ARHGAP26: variants seen among roughly 807,000 people sequenced by gnomAD.
ARHGAP26 encodes rho GTPase-activating protein 26.
Under a neutral mutation model 104.8 loss-of-function variants are expected in ARHGAP26, and 38 were observed. The ratio of observed to expected loss-of-function variants is 0.36; its 90% CI spans 0.28 to 0.48. The LOEUF (loss-of-function observed/expected upper bound fraction) is 0.48. Among genes scored for constraint, ARHGAP26 ranks in the 20% least tolerant of loss-of-function variants. The pLI is 0.99. For missense variants in ARHGAP26, 704 were observed against 947.9 expected, an observed-to-expected ratio of 0.74 and a Z score of 3.38; for synonymous variants, 341 against 340.0, an observed-to-expected ratio of 1.00 and a Z score of -0.03.
intron 11 of ARHGAP26, among the ~76,000 whole-genome samples, chr5:142,957,726 A>T (rs1325012936): frequency 6.6e-6 from 1 of 152,186 alleles, no homozygotes; most frequent in East Asian, 1.9e-4. Flanking sequence ...GTGCTCCTGC[A>T]CTCTCTGCCA....
intron 20 of ARHGAP26, 112 bp downstream of exon 20, chr5:143,147,493 T>A: frequency 7.8e-7 from 1 of 1,279,178 alleles, no homozygotes; most frequent in Non-Finnish European, 1.1e-6. Flanking sequence ...GAACATTATT[T>A]AAACCTCCTC....
chr5:143,005,767 C>G (rs927928723), intron 11 of ARHGAP26, among the ~76,000 whole-genome samples: 1 of 152,184 alleles, frequency 6.6e-6, no homozygotes, highest in Non-Finnish European at 1.5e-5. Flanking sequence ...TTTTGAACAG[C>G]AAGCAGCAGT....
At chr5:142,824,113 G>A (rs1222124073) in intron 1 of ARHGAP26, among the ~76,000 whole-genome samples, 1 of 152,108 alleles carries the variant, frequency 6.6e-6, no homozygotes, top group African/African-American at 2.4e-5. Flanking sequence ...GTGGAACACT[G>A]TATGAGTTTC....
intron 1 of ARHGAP26, among the ~76,000 whole-genome samples, chr5:142,867,445 A>G (rs1754515375): frequency 1.3e-5 from 2 of 152,272 alleles, no homozygotes; most frequent in South Asian, 4.1e-4. Flanking sequence ...AAACTGCTAC[A>G]TACAGACTTG....
At chr5:142,773,586 C>T (rs1157288320) in intron 1 of ARHGAP26, among the ~76,000 whole-genome samples, 8 of 152,178 alleles carry the variant, frequency 5.3e-5, no homozygotes. Flanking sequence ...TAAGTGAAAA[C>T]ATTGCCAGTT....
chr5:143,069,430 G>A (rs888271151), intron 17 of ARHGAP26, among the ~76,000 whole-genome samples: 3 of 152,104 alleles, frequency 2.0e-5, no homozygotes, highest in Non-Finnish European at 2.9e-5. Context: ...CCTTTATGAT[G>A]TCTCAGTTCC....
chr5:142,870,300 A>G lies in ARHGAP26; in HGVS notation c.155-3100A>G, dbSNP rs117103394. 9.8e-5 allele frequency among the ~76,000 whole-genome samples: 15 copies of G among 152,346 alleles called. No individual in the cohort carries two copies. The East Asian group carries it at 2.7e-3, about 27-fold the overall frequency. ...AAATCTTTGGGCTGCTCCATATCCA[A>G]GGTGAAAATCTACATAAGATACCAC... On this transcript the variant is annotated intron_variant, in intron 1 of 22. Coordinates refer to ENST00000645722, the MANE Select transcript of ARHGAP26 (RefSeq NM_001135608.3).
chr5:143,074,331 G>GTA (rs2150394663), intron 17 of ARHGAP26, among the ~76,000 whole-genome samples: 1 of 152,232 alleles, frequency 6.6e-6, no homozygotes, highest in East Asian at 1.9e-4. Flanking sequence ...GTCCATTATA[G>GTA]AACTTTCTCT....
At chr5:142,901,834 T>C in intron 6 of ARHGAP26, 101 bp from the exon 7 acceptor site, 1 of 897,766 alleles carries the variant, frequency 1.1e-6, no homozygotes, top group East Asian at 2.5e-5. Context: ...TATTATTCTT[T>C]ATTTTAGACT....
intron 11 of ARHGAP26, among the ~76,000 whole-genome samples, chr5:143,002,492 C>T (rs563791300): frequency 3.2e-4 from 49 of 152,216 alleles, no homozygotes; most frequent in African/African-American, 1.0e-3. Flanking sequence ...ACCATGAAAA[C>T]GGCATGCTGA....
chr5:142,998,146 T>C (rs893584541), intron 11 of ARHGAP26, among the ~76,000 whole-genome samples: 4 of 152,226 alleles, frequency 2.6e-5, no homozygotes, highest in Non-Finnish European at 5.9e-5. Context: ...TAACAAAAAT[T>C]GACTCTATAT....
chr5:142,991,420 T>C (rs1775595065), intron 11 of ARHGAP26, among the ~76,000 whole-genome samples: 1 of 152,056 alleles, frequency 6.6e-6, no homozygotes, highest in South Asian at 2.1e-4. Context: ...CCAGGTAAGG[T>C]GATGCCTTGC....
intron 17 of ARHGAP26, among the ~76,000 whole-genome samples, chr5:143,096,721 A>G (rs553360677): frequency 3.5e-4 from 54 of 152,184 alleles, no homozygotes; most frequent in African/African-American, 1.1e-3. Flanking sequence ...GTAGCAGTGA[A>G]GAATACAATG....
rs145418145 is a variant in ARHGAP26, at chr5:143,196,142, C to T, written c.1989-11056C>T. Among the ~76,000 whole-genome samples, 512 of 152,038 alleles carry T rather than the reference C, an allele frequency of 3.4e-3. 2 individuals are homozygous for T. Among genetic ancestry groups the T allele is most frequent in the African/African-American group, 0.012 (498 of 41,452 alleles). Reference sequence around the variant, plus strand: ...CAAATTATTATTTAGCAAACACCCCCTAAATAATACTAAATTATTATTTAG... The same window carrying T: ...CAAATTATTATTTAGCAAACACCCCTTAAATAATACTAAATTATTATTTAG... On this transcript the variant is annotated intron_variant, in intron 20 of 22. Coordinates refer to ENST00000645722, the MANE Select transcript of ARHGAP26 (RefSeq NM_001135608.3).
intron 22 of ARHGAP26, chr5:143,216,329 A>G: frequency 2.1e-6 from 1 of 469,502 alleles, no homozygotes. Flanking sequence ...CTCTTTACAG[A>G]GCAGCGAGAG....
At chr5:143,014,357 A>C in intron 12 of ARHGAP26, 2 of 577,738 alleles carry the variant, frequency 3.5e-6, no homozygotes, top group South Asian at 4.1e-5. Context: ...AATGGGTCAC[A>C]CTTTACAAAG....
intron 17 of ARHGAP26, among the ~76,000 whole-genome samples, chr5:143,094,290 CA>C (rs987129376): frequency 1.3e-5 from 2 of 152,238 alleles, no homozygotes; most frequent in African/African-American, 4.8e-5. Context: ...GGTCTGTGCA[CA>C]GAGTCGTTGC....
At chr5:143,058,283 T>C (rs1786158659) in intron 17 of ARHGAP26, 1 of 236,498 alleles carries the variant, frequency 4.2e-6, no homozygotes, top group South Asian at 8.2e-5. Context: ...CAAGGATCAT[T>C]GATTTTTGAA....
At chr5:143,072,739 A>G (rs1442269355) in intron 17 of ARHGAP26, among the ~76,000 whole-genome samples, 12 of 152,336 alleles carry the variant, frequency 7.9e-5, no homozygotes, top group African/African-American at 2.2e-4. Flanking sequence ...AGAAGTAAAA[A>G]GTGAAAAAAG....
Sources: allele counts gnomAD v4.1 joint callset (sites outside exome capture counted in the v4.1 genomes callset), GRCh38; gene constraint gnomAD v4.1.1; transcripts MANE v1.5; gene names NCBI Gene and HGNC (gene_info 2026-07-23, HGNC 2026-07-21).